The following USP9X variants were observed in gnomAD, a reference collection of about 807,000 sequenced individuals.
USP9X encodes ubiquitin specific peptidase 9 X-linked.
USP9X carries 7 observed loss-of-function variants against 190.3 expected under a neutral mutation model. The ratio of observed to expected loss-of-function variants is 0.04; its 90% CI spans 0.02 to 0.07. The LOEUF (loss-of-function observed/expected upper bound fraction) is 0.07. USP9X is among the 10% of genes least tolerant of loss of function. The probability of loss-of-function intolerance (pLI) is 1.00; values close to 1 mark genes in which losing one functional copy is unlikely to be tolerated. For missense variants in USP9X, 1,010 were observed against 1,916.9 expected, an observed-to-expected ratio of 0.53 and a Z score of 8.83; for synonymous variants, 645 against 659.5, an observed-to-expected ratio of 0.98 and a Z score of 0.34.
Position 41,188,072 on chromosome X carries a change from G to T in USP9X, c.3765G>T (p.Gln1255His). The T allele has an allele frequency of 2.5e-6, 3 of 1,209,739 alleles. No individual in the cohort carries two copies. Among genetic ancestry groups the T allele is most frequent in the Non-Finnish European group, 3.4e-6 (3 of 894,159 alleles). The change falls in exon 25 of 45, where the codon CAG (glutamine) becomes CAT (histidine). Residue 1255 changes from glutamine to histidine, a missense_variant. Gln to His is a conservative substitution (Grantham distance 24, BLOSUM62 0). This residue lies in a region of USP9X where 351 missense variants were observed against 480.8 expected (regional missense o/e 0.73). Transcript: ENST00000378308. Reference protein sequence around the residue: ...IIWASGCGSLQLVFSPNEEIT... With the variant: ...IIWASGCGSLHLVFSPNEEIT... ...GGGCATCAGGATGTGGGTCGTTACA[G>T]CTAGTATTTAGCCCAAATGAAGAAA...
At chrX:41,121,961 C>T (rs918908906) in intron 1 of USP9X, among the ~76,000 whole-genome samples, 3 of 111,932 alleles carry the variant, frequency 2.7e-5, no homozygotes, top group African/African-American at 9.8e-5. Context: ...GGCCTTGTAA[C>T]CCTGTTATGG....
intron 12 of USP9X, among the ~76,000 whole-genome samples, chrX:41,148,828 G>A (rs1277058251): frequency 1.8e-5 from 2 of 112,008 alleles, no homozygotes; most frequent in African/African-American, 3.2e-5. Flanking sequence ...ATTATCAAGT[G>A]TATGGTTCTG....
chrX:41,205,224 T>C (rs1295649796), intron 31 of USP9X, 79 bp from the exon 32 acceptor site: 1 of 766,310 alleles, frequency 1.3e-6, no homozygotes, highest in Non-Finnish European at 1.8e-6. Context: ...TACAAATCAT[T>C]TGTTCAATAA....
intron 1 of USP9X, among the ~76,000 whole-genome samples, chrX:41,096,498 A>G (rs758888273): frequency 9.0e-6 from 1 of 111,718 alleles, no homozygotes; most frequent in South Asian, 3.7e-4. Flanking sequence ...GCTGGAGTGT[A>G]GTGGTGTGAT....
intron 15 of USP9X, among the ~76,000 whole-genome samples, chrX:41,165,015 C>T (rs1176307110): frequency 1.8e-5 from 2 of 111,462 alleles, no homozygotes; most frequent in Non-Finnish European, 3.8e-5. Context: ...AGGGTCTATG[C>T]CATCTTTAGA....
intron 26 of USP9X, among the ~76,000 whole-genome samples, chrX:41,193,162 G>A (rs1352919116): frequency 2.7e-5 from 3 of 110,915 alleles, no homozygotes; most frequent in Non-Finnish European, 5.7e-5. Context: ...CAGTTGTAGG[G>A]AGTAAAGTCA....
intron 19 of USP9X, 113 bp downstream of exon 19, chrX:41,170,348 G>GT: frequency 9.3e-7 from 1 of 1,071,489 alleles, no homozygotes; most frequent in Non-Finnish European, 1.3e-6. Flanking sequence ...AGGTGTTAGA[G>GT]TTATAGCATT....
At chrX:41,094,332 A>G (rs928414622) in intron 1 of USP9X, among the ~76,000 whole-genome samples, 18 of 109,177 alleles carry the variant, frequency 1.6e-4, no homozygotes, top group Non-Finnish European at 1.9e-5. Context: ...GGGTGCCACT[A>G]TACCCGGCTA....
In USP9X at chrX:41,123,454, C is replaced by T; in HGVS notation, c.-158-17C>T. ...TTATATCTAAAACCAATTACTTTTT[C>T]CCCTTTCTATTTGTAGGTTATGCAA... On this transcript the variant is annotated splice_polypyrimidine_tract_variant and intron_variant, in intron 1 of 44. Coordinates refer to ENST00000378308, the MANE Select transcript of USP9X (RefSeq NM_001039591.3). The T allele has an allele frequency of 2.4e-6, 1 of 424,640 alleles. No individual in the cohort carries two copies. Among genetic ancestry groups the T allele is most frequent in the Non-Finnish European group, 4.2e-6 (1 of 240,401 alleles). 35.0% of individuals were successfully genotyped at this position (424,640 alleles called of 1,213,427 possible).
At chrX:41,148,632 C>A in intron 12 of USP9X, 57 bp downstream of exon 12, 1 of 1,084,593 alleles carries the variant, frequency 9.2e-7, no homozygotes, top group Non-Finnish European at 1.3e-6. Flanking sequence ...GTTAGGTTGG[C>A]TTAGTTACAG....
chrX:41,087,991 C>T (rs142886945), intron 1 of USP9X, among the ~76,000 whole-genome samples: 1 of 111,657 alleles, frequency 9.0e-6, no homozygotes, highest in African/African-American at 3.3e-5. Context: ...CCATAGTTCT[C>T]ATGGTTTTGT....
intron 37 of USP9X, 105 bp downstream of exon 37, chrX:41,218,702 C>T: frequency 1.4e-6 from 1 of 718,540 alleles, no homozygotes. Context: ...ATATGTTTAC[C>T]TAACAGAAAC....
Position 41,184,665 on chromosome X carries a change from C to T in USP9X, c.3548C>T (p.Pro1183Leu). 1 of 1,208,755 alleles carries T rather than the reference C, an allele frequency of 8.3e-7. No individual in the cohort carries two copies. Among genetic ancestry groups the T allele is most frequent in the East Asian group, 3.0e-5 (1 of 33,803 alleles). ...CAGCCAGGTGTAGAAGGTGTGAATC[C>T]CATGACACAGGTAATACAGACTTTT... ...ACQPGVEGVNPMTQINQVTHD... is the reference protein window; with the variant it reads ...ACQPGVEGVNLMTQINQVTHD... Residue 1183 changes from proline (P) to leucine (L), a missense_variant, in exon 23 of 45, where the codon CCC becomes CTC. Physicochemically the swap from Pro to Leu is moderately conservative, Grantham distance 98 (BLOSUM62 -3). Around this residue, in one of 11 missense-constraint regions of USP9X, gnomAD observed 351 missense variants for 480.8 expected, o/e 0.73. Coordinates refer to ENST00000378308, the MANE Select transcript of USP9X (RefSeq NM_001039591.3).
Position 41,134,817 on chromosome X carries a change from G to A in USP9X, c.415G>A (p.Gly139Ser). 8.3e-7 allele frequency: 1 copy of A among 1,208,133 alleles called. No individual in the cohort carries two copies. Among genetic ancestry groups the A allele is most frequent in the Non-Finnish European group, 1.1e-6 (1 of 892,891 alleles). ...TKILTDEAVS[G>S]WKFEIHRCII... ...AATTCTTACAGATGAAGCAGTGAGT[G>A]GCTGGAAGTTTGAAATTCATGTGAG... The change falls in exon 5 of 45, where the codon GGC becomes AGC. Residue 139 changes from glycine (G) to serine (S), a missense_variant. This residue lies in a region of USP9X where 176 missense variants were observed against 247.5 expected (regional missense o/e 0.71). Transcript: ENST00000378308.
At chrX:41,200,365 A>G (rs1447901559) in intron 30 of USP9X, among the ~76,000 whole-genome samples, 1 of 111,964 alleles carries the variant, frequency 8.9e-6, no homozygotes, top group Non-Finnish European at 1.9e-5. Flanking sequence ...GTTTGGTATG[A>G]TATAATTAAC....
chrX:41,172,087 A>G (rs2062731765), intron 21 of USP9X, 129 bp downstream of exon 21: 1 of 703,688 alleles, frequency 1.4e-6, no homozygotes, highest in Non-Finnish European at 2.0e-6. Flanking sequence ...ACAGCCCACA[A>G]GCCACATCAA....
chrX:41,208,385 G>A (rs2063125124), intron 32 of USP9X, among the ~76,000 whole-genome samples: 1 of 111,860 alleles, frequency 8.9e-6, no homozygotes, highest in South Asian at 3.7e-4. Flanking sequence ...CTCTTGTAAT[G>A]CCTTTGCTTT....
At chrX:41,152,223 G>A (rs954480840) in intron 13 of USP9X, among the ~76,000 whole-genome samples, 2 of 111,828 alleles carry the variant, frequency 1.8e-5, no homozygotes, top group African/African-American at 6.5e-5. Flanking sequence ...CATATATCTC[G>A]TTAACAATAA....
chrX:41,170,787 G>T (rs2062718755), intron 20 of USP9X, among the ~76,000 whole-genome samples, 168 bp downstream of exon 20: 1 of 111,932 alleles, frequency 8.9e-6, no homozygotes, highest in Non-Finnish European at 1.9e-5. Flanking sequence ...AAAGGTAATT[G>T]TAACACAGTT....
Sources: allele counts gnomAD v4.1 joint callset (sites outside exome capture counted in the v4.1 genomes callset), GRCh38; gene constraint gnomAD v4.1.1; regional missense constraint gnomAD v4.1.1; transcripts MANE v1.5; gene names NCBI Gene and HGNC (gene_info 2026-07-23, HGNC 2026-07-21).